TNFRSF19: variants seen among roughly 807,000 people sequenced by gnomAD.
TNFRSF19 encodes tumor necrosis factor receptor superfamily member 19.
TNFRSF19 carries 27 observed loss-of-function variants against 46.4 expected under a neutral mutation model. That is an observed-to-expected ratio of 0.58 (90% CI 0.43 to 0.80). The LOEUF is 0.80. TNFRSF19 is among the 30% of genes least tolerant of loss of function. TNFRSF19 has a pLI of 0.00. For missense variants in TNFRSF19, 511 were observed against 530.8 expected (o/e 0.96, Z 0.37); for synonymous variants, 204 against 205.0 (o/e 1.00, Z 0.04).
Position 23,673,449 on chromosome 13 carries a change from G to C in TNFRSF19, c.*69G>C. The C allele has an allele frequency of 6.4e-7, 1 of 1,555,656 alleles. No homozygotes were observed. The highest frequency in any genetic ancestry group is 8.7e-7 in the Non-Finnish European group (1 of 1,147,264). ...AAGAGTACTCCTTTGTTAGGCTTAT[G>C]GACTGAGCAGTCTGGACCTTGCATG... On this transcript the variant is annotated 3_prime_UTR_variant, in exon 10 of 10. Coordinates refer to ENST00000248484, the MANE Select transcript of TNFRSF19 (RefSeq NM_148957.4).
chr13:23,655,551 A>C (rs1883925512), intron 5 of TNFRSF19, among the ~76,000 whole-genome samples: 1 of 152,188 alleles, frequency 6.6e-6, no homozygotes, highest in African/African-American at 2.4e-5. Flanking sequence ...AGTGAACTAG[A>C]ATGGGGCATT....
At chr13:23,673,321 T>C in intron 9 of TNFRSF19, 51 bp from the exon 10 acceptor site, 1 of 1,573,104 alleles carries the variant, frequency 6.4e-7, no homozygotes, top group Non-Finnish European at 8.7e-7. Flanking sequence ...ATTTAGCAGA[T>C]TTAACTTGTA....
At chr13:23,580,300 C>G (rs1471163500) in intron 1 of TNFRSF19, among the ~76,000 whole-genome samples, 1 of 147,786 alleles carries the variant, frequency 6.8e-6, no homozygotes, top group African/African-American at 2.5e-5. Context: ...AATATGCATA[C>G]AAAATCATCA....
chr13:23,591,788 C>T (rs907769403), intron 2 of TNFRSF19, among the ~76,000 whole-genome samples: 51 of 147,174 alleles, frequency 3.5e-4, no homozygotes, highest in African/African-American at 1.3e-3. Context: ...TGCAGTGGTG[C>T]GATCTTGGCT....
At chr13:23,584,514 C>T (rs966312991) in intron 1 of TNFRSF19, among the ~76,000 whole-genome samples, 4 of 151,266 alleles carry the variant, frequency 2.6e-5, no homozygotes, top group African/African-American at 7.3e-5. Context: ...TTTGCAACTA[C>T]GAATTGTGCT....
At chr13:23,664,269 A>C (rs907480369) in intron 7 of TNFRSF19, among the ~76,000 whole-genome samples, 3 of 152,194 alleles carry the variant, frequency 2.0e-5, no homozygotes, top group Non-Finnish European at 2.9e-5. Flanking sequence ...AAAGTCATTC[A>C]GGAGTATGTT....
intron 5 of TNFRSF19, among the ~76,000 whole-genome samples, chr13:23,647,077 G>A (rs968908018): frequency 2.2e-4 from 33 of 152,144 alleles, no homozygotes; most frequent in African/African-American, 8.0e-4. Flanking sequence ...CCATTAGTAT[G>A]TCTTTTGGTA....
intron 3 of TNFRSF19, among the ~76,000 whole-genome samples, chr13:23,609,966 G>T (rs985369428): frequency 1.3e-5 from 2 of 152,146 alleles, no homozygotes; most frequent in Admixed American, 1.3e-4. Flanking sequence ...AAGTTGAGGG[G>T]AAATATCTCT....
intron 5 of TNFRSF19, among the ~76,000 whole-genome samples, chr13:23,658,094 G>C (rs774189241): frequency 3.9e-5 from 6 of 151,924 alleles, no homozygotes; most frequent in Non-Finnish European, 8.8e-5. Flanking sequence ...CATTATTTTG[G>C]GGTTAGTTAA....
chr13:23,635,642 G>A (rs9507125), intron 5 of TNFRSF19, among the ~76,000 whole-genome samples: 30,832 of 152,050 alleles, frequency 0.2, 3,758 homozygotes, highest in East Asian at 0.3. Context: ...GCCTCCCAAA[G>A]TGCTGGGATT....
At chr13:23,652,056 C>T (rs1329287581) in intron 5 of TNFRSF19, among the ~76,000 whole-genome samples, 2 of 152,058 alleles carry the variant, frequency 1.3e-5, no homozygotes, top group South Asian at 2.1e-4. Flanking sequence ...GTTATTACAG[C>T]GCCCAGAAAG....
At chr13:23,669,394 A>G (rs1436442945) in intron 9 of TNFRSF19, 10 of 1,144,116 alleles carry the variant, frequency 8.7e-6, no homozygotes, top group Non-Finnish European at 1.1e-5. Context: ...TGAGTCGGGT[A>G]TGGGAGCATC....
intron 7 of TNFRSF19, among the ~76,000 whole-genome samples, chr13:23,661,845 T>G (rs1359113689): frequency 6.6e-6 from 1 of 152,250 alleles, no homozygotes; most frequent in Non-Finnish European, 1.5e-5. Context: ...TGTCTTCTTT[T>G]GAGAAGTGTC....
intron 4 of TNFRSF19, among the ~76,000 whole-genome samples, chr13:23,617,780 A>G (rs976492370): frequency 2.0e-5 from 3 of 152,226 alleles, no homozygotes; most frequent in African/African-American, 7.2e-5. Flanking sequence ...AGAAGGAAGA[A>G]ACTGAGACTT....
rs1198348473 is a variant in TNFRSF19, at chr13:23,675,582, CAAT to C, written c.*2203_*2205del. The C allele has an allele frequency of 2.0e-4, 31 of 152,134 alleles. No homozygotes were observed. Among genetic ancestry groups the C allele is most frequent in the Non-Finnish European group, 1.2e-4 (8 of 68,018 alleles). The allele number at this position is 152,134 out of a possible 1,614,324, so 9.4% of individuals were successfully genotyped here. ...CCCTACCTACTCTAGAAATATACAA[CAAT>C]GTTATATTTTACACTCCTTGGAAAC... On this transcript the variant is annotated 3_prime_UTR_variant, in exon 10 of 10. Transcript: ENST00000248484.
At chr13:23,648,644 G>A (rs1157868591) in intron 5 of TNFRSF19, among the ~76,000 whole-genome samples, 2 of 152,090 alleles carry the variant, frequency 1.3e-5, no homozygotes, top group African/African-American at 4.8e-5. Context: ...GGTAAAAGTG[G>A]GTATCCTTGT....
At chr13:23,649,718 G>A (rs73156786) in intron 5 of TNFRSF19, among the ~76,000 whole-genome samples, 3,349 of 151,814 alleles carry the variant, frequency 0.022, 49 homozygotes, top group Middle Eastern at 0.051. Context: ...CACTGCTTTT[G>A]TTGTATTCCA....
At chr13:23,624,039 G>T (rs1223494577) in intron 4 of TNFRSF19, among the ~76,000 whole-genome samples, 1 of 152,042 alleles carries the variant, frequency 6.6e-6, no homozygotes, top group African/African-American at 2.4e-5. Context: ...CTAATGTCAT[G>T]AAGCTTTTCC....
At chr13:23,611,150 ACT>A (rs574064299) in intron 3 of TNFRSF19, among the ~76,000 whole-genome samples, 13,332 of 148,714 alleles carry the variant, frequency 0.09, 621 homozygotes, top group East Asian at 0.19. Flanking sequence ...ACACACACAC[ACT>A]CCTTCTCTTG....
Sources: gnomAD v4.1 joint callset for allele counts (sites outside exome capture counted in the v4.1 genomes callset) on GRCh38, gnomAD v4.1.1 for gene constraint, MANE v1.5 for transcripts, NCBI Gene and HGNC (gene_info 2026-07-23, HGNC 2026-07-21) for gene names.